Variants in SPON1 observed in about 807,000 individuals in gnomAD.
The protein encoded by SPON1 is spondin 1.
Under a neutral mutation model 111.7 loss-of-function variants are expected in SPON1, and 52 were observed. The observed-to-expected ratio is 0.47, with a 90% CI of 0.37 to 0.59. SPON1 has a LOEUF of 0.59. Ranked by LOEUF, SPON1 falls within the 20% of genes least tolerant of loss-of-function variation. SPON1 has a pLI of 0.00. For missense variants in SPON1, 957 were observed against 1,068.5 expected, an observed-to-expected ratio of 0.90 and a Z score of 1.46; for synonymous variants, 410 against 395.8, an observed-to-expected ratio of 1.04 and a Z score of -0.43.
At chr11:14,076,994 C>T (rs561884915) in intron 4 of SPON1, among the ~76,000 whole-genome samples, 1 of 152,326 alleles carries the variant, frequency 6.6e-6, no homozygotes, top group African/African-American at 2.4e-5. Flanking sequence ...GCTCTTGGTT[C>T]CTCAATGACA....
intron 5 of SPON1, among the ~76,000 whole-genome samples, chr11:14,104,089 TTTAA>T (rs1849166520): frequency 3.9e-5 from 6 of 152,170 alleles, no homozygotes; most frequent in Admixed American, 3.9e-4. Context: ...TTTTTTTCCC[TTTAA>T]TTAGTAGACC....
chr11:14,215,616 GC>G (rs1848618509), intron 6 of SPON1, among the ~76,000 whole-genome samples: 1 of 152,134 alleles, frequency 6.6e-6, no homozygotes, highest in South Asian at 2.1e-4. Context: ...CAGTCACAAA[GC>G]CCCCCACATT....
At chr11:13,972,917 G>C (rs949377070) in intron 1 of SPON1, among the ~76,000 whole-genome samples, 1 of 152,102 alleles carries the variant, frequency 6.6e-6, no homozygotes, top group Non-Finnish European at 1.5e-5. Flanking sequence ...AATGGGTCTA[G>C]TGACTCAAAT....
At chr11:14,012,781 C>T (rs1331102285) in intron 2 of SPON1, among the ~76,000 whole-genome samples, 1 of 152,052 alleles carries the variant, frequency 6.6e-6, no homozygotes, top group African/African-American at 2.4e-5. Flanking sequence ...GAGTGCAAGT[C>T]CTTTGAGGAC....
chr11:14,045,912 G>A lies in SPON1; in HGVS notation c.479+4258G>A, dbSNP rs186309334. On this transcript the variant is annotated intron_variant, in intron 3 of 15. Coordinates refer to ENST00000576479, the MANE Select transcript of SPON1 (RefSeq NM_006108.4). ...TTTATGAATTTTGATTTTATGTCTTGTTCAAAAATAATTTTCCTATGCCTA... is the reference window on the plus strand; with the variant it reads ...TTTATGAATTTTGATTTTATGTCTTATTCAAAAATAATTTTCCTATGCCTA... 7.3e-3 allele frequency among the ~76,000 whole-genome samples: 1,107 copies of A among 151,888 alleles called. 6 individuals are homozygous for A. Among genetic ancestry groups the A allele is most frequent in the Non-Finnish European group, 0.013 (878 of 67,942 alleles).
intron 5 of SPON1, among the ~76,000 whole-genome samples, chr11:14,083,129 T>C (rs77729496): frequency 0.072 from 10,941 of 152,262 alleles, 522 homozygotes; most frequent in South Asian, 0.19. Context: ...TCCAGGTTAA[T>C]ATAAAGAACA....
chr11:14,137,685 T>C lies in SPON1; in HGVS notation c.825+2117T>C, dbSNP rs868941785. Among the ~76,000 whole-genome samples, 6 of 152,172 alleles carry C rather than the reference T, an allele frequency of 3.9e-5. No homozygotes were observed. In the South Asian group the frequency reaches 6.2e-4, roughly 16 times the overall value. Reference sequence around the variant, plus strand: ...AAACCTGAGGCCACTTGTTTGAAACTTGTTGAGAATCTCAAGATGGCAGTA... The same window carrying C: ...AAACCTGAGGCCACTTGTTTGAAACCTGTTGAGAATCTCAAGATGGCAGTA... On this transcript the variant is annotated intron_variant, in intron 6 of 15. Coordinates refer to ENST00000576479, the MANE Select transcript of SPON1 (RefSeq NM_006108.4).
intron 3 of SPON1, among the ~76,000 whole-genome samples, chr11:14,069,839 A>G (rs1848861506): frequency 2.2e-5 from 1 of 45,978 alleles, no homozygotes. Context: ...AACTCTATCT[A>G]CAAGTCATGG....
At chr11:14,087,065 A>G (rs190258930) in intron 5 of SPON1, among the ~76,000 whole-genome samples, 1 of 151,852 alleles carries the variant, frequency 6.6e-6, no homozygotes, top group Admixed American at 6.6e-5. Flanking sequence ...CTAGCAGTCT[A>G]TCTATTTTGT....
chr11:14,263,754 C>G (rs1554942162), intron 15 of SPON1, among the ~76,000 whole-genome samples: 1 of 151,958 alleles, frequency 6.6e-6, no homozygotes, highest in Non-Finnish European at 1.5e-5. Flanking sequence ...CCAGGCCGGG[C>G]ACGGTGGCTC....
rs947428091 is a variant in SPON1, at chr11:14,122,761, A to G, written c.677-12659A>G. Among the ~76,000 whole-genome samples, 9 of 152,182 alleles carry G rather than the reference A, an allele frequency of 5.9e-5. No homozygotes were observed. In the South Asian group the frequency reaches 1.9e-3, roughly 32 times the overall value. On this transcript the variant is annotated intron_variant, in intron 5 of 15. Transcript: ENST00000576479. ...TTTTATTTATCTACCAAAATTCCCT[A>G]TCTGTTCACTCATTATGTCCATCTT...
intron 5 of SPON1, among the ~76,000 whole-genome samples, chr11:14,132,192 C>T (rs1232184097): frequency 6.6e-6 from 1 of 151,956 alleles, no homozygotes; most frequent in Non-Finnish European, 1.5e-5. Context: ...GCAAGAGAAT[C>T]GCTTGAACCT....
intron 5 of SPON1, among the ~76,000 whole-genome samples, chr11:14,121,819 TA>T (rs1220348057): frequency 3.3e-5 from 5 of 151,974 alleles, no homozygotes; most frequent in Non-Finnish European, 5.9e-5. Flanking sequence ...TTCATTTATT[TA>T]AAAAAACGTT....
chr11:14,222,665 C>T (rs568885275), intron 6 of SPON1, among the ~76,000 whole-genome samples: 12 of 152,120 alleles, frequency 7.9e-5, no homozygotes, highest in East Asian at 1.9e-4. Context: ...ATCATCAGGT[C>T]GGAAAAATAC....
chr11:14,183,467 C>G (rs1039392674), intron 6 of SPON1, among the ~76,000 whole-genome samples: 1 of 152,196 alleles, frequency 6.6e-6, no homozygotes, highest in Non-Finnish European at 1.5e-5. Context: ...AATATGCCAC[C>G]ATTGTTGAAA....
intron 6 of SPON1, among the ~76,000 whole-genome samples, chr11:14,156,509 T>C (rs2133871064): frequency 6.6e-6 from 1 of 150,686 alleles, no homozygotes; most frequent in African/African-American, 2.4e-5. Flanking sequence ...TTAGATCCCA[T>C]TTGTCAATTT....
In SPON1 at chr11:14,061,870, C is replaced by T. The variant is rs77239901; in HGVS notation, c.480-13475C>T. Among the ~76,000 whole-genome samples the T allele has an allele frequency of 8.1e-3, 1,226 of 152,290 alleles. 10 individuals carry two copies. Among genetic ancestry groups the T allele is most frequent in the African/African-American group, 0.028 (1,150 of 41,540 alleles). On this transcript the variant is annotated intron_variant, in intron 3 of 15. Coordinates refer to ENST00000576479, the MANE Select transcript of SPON1 (RefSeq NM_006108.4). ...CAACTTCATTTTTATGCTGATGAGGCCTAACTACTGCAACAAGAGCCCAAC... is the reference window on the plus strand; with the variant it reads ...CAACTTCATTTTTATGCTGATGAGGTCTAACTACTGCAACAAGAGCCCAAC...
intron 5 of SPON1, among the ~76,000 whole-genome samples, chr11:14,130,043 A>G (rs985991395): frequency 1.3e-5 from 2 of 152,210 alleles, no homozygotes; most frequent in Non-Finnish European, 2.9e-5. Context: ...AATTCAGGTC[A>G]ATAGTCAATA....
chr11:14,067,493 T>G (rs186025697), intron 3 of SPON1, among the ~76,000 whole-genome samples: 3 of 152,318 alleles, frequency 2.0e-5, no homozygotes, highest in Admixed American at 2.0e-4. Flanking sequence ...TTCTTGGCCT[T>G]TCTTCATGGT....
Sources: gnomAD v4.1 joint callset for allele counts (sites outside exome capture counted in the v4.1 genomes callset) on GRCh38, gnomAD v4.1.1 for gene constraint, MANE v1.5 for transcripts, NCBI Gene and HGNC (gene_info 2026-07-23, HGNC 2026-07-21) for gene names.